Variants in KHK observed in about 807,000 individuals in gnomAD.
KHK encodes the protein ketohexokinase, also known as fructokinase.
Under a neutral mutation model 36.0 loss-of-function variants are expected in KHK, and 37 were observed. The ratio of observed to expected loss-of-function variants is 1.03; its 90% CI spans 0.79 to 1.35. The LOEUF (loss-of-function observed/expected upper bound fraction) is 1.35, where lower values mean the gene tolerates loss of function less well. Among genes scored for constraint, KHK ranks in the 40% most tolerant of loss-of-function variants. The probability of loss-of-function intolerance (pLI) is 0.00; values close to 1 mark genes in which losing one functional copy is unlikely to be tolerated. For synonymous variants in KHK, 161 were observed against 162.8 expected, an observed-to-expected ratio of 0.99 and a Z score of 0.08; for missense variants, 395 against 391.9, an observed-to-expected ratio of 1.01 and a Z score of -0.07.
intron 2 of KHK, chr2:27,094,057 G>A (rs1418855590): frequency 6.0e-6 from 2 of 336,124 alleles, no homozygotes; most frequent in South Asian, 2.4e-5. Flanking sequence ...TGGGGGCAAA[G>A]TATTGCCTTG....
intron 3 of KHK, 64 bp downstream of exon 3, chr2:27,094,998 C>G: frequency 6.3e-7 from 1 of 1,591,512 alleles, no homozygotes; most frequent in Non-Finnish European, 8.6e-7. Context: ...AGTTCCCTCA[C>G]TCGCCACCAT....
Position 27,094,817 on chromosome 2 carries a change from T to A in KHK, c.227T>A (p.Phe76Tyr). 2 of 1,614,044 alleles carry A rather than the reference T, an allele frequency of 1.2e-6. No individual in the cohort carries two copies. Among genetic ancestry groups the A allele is most frequent in the Non-Finnish European group, 1.7e-6 (2 of 1,180,050 alleles). ...ACCCTAAGCTTCCTGGTGGCCGACT[T>A]CAGGCGGCGGGGCGTGGACGTGTCT... ...GHVADFLVAD[F>Y]RRRGVDVSQV... The change falls in exon 3 of 8, where the codon TTC becomes TAC. Residue 76 changes from phenylalanine (F) to tyrosine (Y), a missense_variant. Transcript: ENST00000260598.
Position 27,092,160 on chromosome 2 carries a change from G to GC in KHK, c.93-170dup, listed in dbSNP as rs2148341934. On this transcript the variant is annotated intron_variant, in intron 1 of 7. Transcript: ENST00000260598. ...GCTGGGGAGGTAGACACCGCTCTCA[G>GC]CCAAGCTCCTTCCCTTGGCCGGCCT... is the stretch of plus-strand genomic sequence containing the variant. Among the ~76,000 whole-genome samples, 3 of 152,352 alleles carry GC rather than the reference G, an allele frequency of 2.0e-5. No homozygotes were observed. The East Asian group carries it at 5.8e-4, about 29-fold the overall frequency.
chr2:27,100,135 C>A lies in KHK; in HGVS notation c.*385C>A. 1 of 534,536 alleles carries A rather than the reference C, an allele frequency of 1.9e-6. No individual in the cohort carries two copies. Among genetic ancestry groups the A allele is most frequent in the Non-Finnish European group, 3.4e-6 (1 of 296,596 alleles). 33.1% of individuals were successfully genotyped at this position (534,536 alleles called of 1,614,324 possible). A position where few individuals can be genotyped will look rare whatever the true frequency, so the allele number is the denominator to read the frequency against. On this transcript the variant is annotated 3_prime_UTR_variant, in exon 8 of 8. Transcript: ENST00000260598. ...AGAAGTGCCCTGGGCTTGCCACCAG[C>A]TCTGCCCTGGCTGGGGAGGACACTC...
chr2:27,097,679 A>C (rs1287365654), intron 5 of KHK, 30 bp downstream of exon 5: 1 of 1,613,694 alleles, frequency 6.2e-7, no homozygotes, highest in Non-Finnish European at 8.5e-7. Flanking sequence ...TCTCTTTGCC[A>C]CTTCCAGCTA....
rs965961137 is a variant in KHK at position 27,094,790 on chromosome 2, C to G, written c.210-10C>G. 1.7e-5 allele frequency: 28 copies of G among 1,613,948 alleles called. No individual in the cohort carries two copies. Among genetic ancestry groups the G allele is most frequent in the Non-Finnish European group, 2.4e-5 (28 of 1,180,058 alleles). On this transcript the variant is annotated splice_polypyrimidine_tract_variant and intron_variant, in intron 2 of 7. Transcript: ENST00000260598. Reference sequence around the variant, plus strand: ...CCTTGCCCTTTTCCTGGCCCGGCCTCCACCCTAAGCTTCCTGGTGGCCGAC... The same window carrying G: ...CCTTGCCCTTTTCCTGGCCCGGCCTGCACCCTAAGCTTCCTGGTGGCCGAC...
rs1670254757 is a variant in KHK at position 27,095,028 on chromosome 2, C to T, written c.344+94C>T. On this transcript the variant is annotated intron_variant, in intron 3 of 7. Transcript: ENST00000260598. ...CACCATGGGCATCCCAACTGCCCCC[C>T]TCTGTGGCTTCTGTGTACCAGAAGT... 4.2e-6 allele frequency: 6 copies of T among 1,421,554 alleles called. No individual in the cohort carries two copies. In the South Asian group the frequency reaches 5.7e-5, roughly 14 times the overall value. The allele number at this position is 1,421,554 out of a possible 1,614,324, so 88.1% of individuals were successfully genotyped here.
At chr2:27,096,280 G>A (rs1194138129) in intron 3 of KHK, among the ~76,000 whole-genome samples, 2 of 152,156 alleles carry the variant, frequency 1.3e-5, no homozygotes, top group Non-Finnish European at 2.9e-5. Flanking sequence ...GGACAGGGGT[G>A]CCATAGGTAA....
At chr2:27,089,742 G>C (rs1163365200) in intron 1 of KHK, among the ~76,000 whole-genome samples, 3 of 152,230 alleles carry the variant, frequency 2.0e-5, no homozygotes, top group Admixed American at 2.0e-4. Context: ...TGGGGACCCA[G>C]TCCTTCCTGG....
intron 2 of KHK, among the ~76,000 whole-genome samples, chr2:27,093,964 GCAGA>G (rs1670162330): frequency 6.6e-6 from 1 of 152,206 alleles, no homozygotes; most frequent in Non-Finnish European, 1.5e-5. Flanking sequence ...CTGGAGGCAG[GCAGA>G]GAGTGAGAGG....
chr2:27,100,702 T>C lies in KHK; in HGVS notation c.*952T>C. The C allele has an allele frequency of 9.1e-7, 1 of 1,101,488 alleles. No individual in the cohort carries two copies. The allele number at this position is 1,101,488 out of a possible 1,614,324, so 68.2% of individuals were successfully genotyped here. Reference sequence around the variant, plus strand: ...TCAAATGGAACCAATTCTGCTTGGCTACAGAATTATTGTGAGGATAAAATC... The same window carrying C: ...TCAAATGGAACCAATTCTGCTTGGCCACAGAATTATTGTGAGGATAAAATC... On this transcript the variant is annotated 3_prime_UTR_variant, in exon 8 of 8. Transcript: ENST00000260598.
chr2:27,094,397 C>G, intron 2 of KHK: 1 of 1,569,458 alleles, frequency 6.4e-7, no homozygotes, highest in East Asian at 2.2e-5. Context: ...TTCAGGGTCC[C>G]TAGTGGCCCT....
chr2:27,086,806 T>G lies in KHK; in HGVS notation c.-454T>G, dbSNP rs564700710. On this transcript the variant is annotated 5_prime_UTR_variant, in exon 1 of 8. Coordinates refer to ENST00000260598, the MANE Select transcript of KHK (RefSeq NM_006488.3). The stretch of plus-strand genomic sequence containing the variant: ...TGCAGATGCGAGGCCCAGCTGTACC[T>G]CGCGTGTCCCGGGTCGGGAGTCGGA... 23 of 153,992 alleles carry G rather than the reference T, an allele frequency of 1.5e-4. No individual in the cohort carries two copies. Among genetic ancestry groups the G allele is most frequent in the Admixed American group, 1.5e-3 (23 of 15,428 alleles). 9.5% of individuals were successfully genotyped at this position (153,992 alleles called of 1,614,324 possible).
chr2:27,092,571 G>C, intron 2 of KHK, 123 bp downstream of exon 2: 1 of 754,882 alleles, frequency 1.3e-6, no homozygotes. Flanking sequence ...GAAACGCGGG[G>C]AGGGGGCATG....
Position 27,087,175 on chromosome 2 carries a change from CG to C in KHK, c.-81del. ...GAGGAGGAGCCAGGGCAGCTGGGAG[CG>C]GGGACACCATCCTCCTGGATAAGAG... On this transcript the variant is annotated 5_prime_UTR_variant, in exon 1 of 8. Transcript: ENST00000260598. 1 of 1,166,878 alleles carries C rather than the reference CG, an allele frequency of 8.6e-7. No individual in the cohort carries two copies. Among genetic ancestry groups the C allele is most frequent in the South Asian group, 1.3e-5 (1 of 74,244 alleles). 72.3% of individuals were successfully genotyped at this position (1,166,878 alleles called of 1,614,324 possible).
At chr2:27,087,886 C>T (rs571885484) in intron 1 of KHK, 1 of 152,546 alleles carries the variant, frequency 6.6e-6, no homozygotes, top group East Asian at 1.9e-4. Flanking sequence ...TCAACTATAG[C>T]TCAGGGCTTG....
intron 4 of KHK, among the ~76,000 whole-genome samples, chr2:27,097,011 G>A (rs867692563): frequency 1.3e-5 from 2 of 152,214 alleles, no homozygotes; most frequent in African/African-American, 2.4e-5. Context: ...ACAGCAGAAC[G>A]TAAGCACAGC....
Position 27,099,803 on chromosome 2 carries a change from G to A in KHK, c.*53G>A, listed in dbSNP as rs377330694. ...TGGAGACTACCATTGCGGCTGCATCGCCTTCTCCCCTCCATCCAGCCTGGC... is the reference window on the plus strand; with the variant it reads ...TGGAGACTACCATTGCGGCTGCATCACCTTCTCCCCTCCATCCAGCCTGGC... On this transcript the variant is annotated 3_prime_UTR_variant, in exon 8 of 8. Transcript: ENST00000260598. 3.3e-5 allele frequency: 53 copies of A among 1,593,160 alleles called. No homozygotes were observed. The highest frequency in any genetic ancestry group is 8.8e-5 in the Admixed American group (5 of 56,832).
intron 2 of KHK, chr2:27,094,440 C>G (rs1385202649): frequency 6.8e-6 from 11 of 1,610,422 alleles, no homozygotes; most frequent in Non-Finnish European, 9.3e-6. Context: ...AAACCCTTGT[C>G]GAACTGCACC....
Sources: gnomAD v4.1 joint callset for allele counts (sites outside exome capture counted in the v4.1 genomes callset) on GRCh38, gnomAD v4.1.1 for gene constraint, MANE v1.5 for transcripts, NCBI Gene and HGNC (gene_info 2026-07-23, HGNC 2026-07-21) for gene names.